NCAPH: variants seen among roughly 807,000 people sequenced by gnomAD.
The protein encoded by NCAPH is condensin complex subunit 2.
A neutral mutation model predicts 85.5 loss-of-function variants in NCAPH; 38 were observed. That is an observed-to-expected ratio of 0.44 (90% confidence interval 0.34 to 0.58). NCAPH has a LOEUF of 0.58. NCAPH is among the 20% of genes least tolerant of loss of function. The probability of loss-of-function intolerance (pLI) is 0.01; values close to 1 mark genes in which losing one functional copy is unlikely to be tolerated. For missense variants in NCAPH, 789 were observed against 916.6 expected (o/e 0.86, Z 1.80); for synonymous variants, 301 against 335.1 (o/e 0.90, Z 1.11).
chr2:96,354,640 C>T (rs1023107045), intron 9 of NCAPH, among the ~76,000 whole-genome samples: 3 of 152,086 alleles, frequency 2.0e-5, no homozygotes, highest in Non-Finnish European at 4.4e-5. Flanking sequence ...CAGTTCTTAA[C>T]AGATTTCCTG....
At chr2:96,353,472 CTG>C in intron 8 of NCAPH, 75 bp downstream of exon 8, 1 of 1,265,712 alleles carries the variant, frequency 7.9e-7, no homozygotes, top group South Asian at 1.2e-5. Context: ...GGAACCAAAA[CTG>C]TGGCATCATC....
At chr2:96,343,108 C>T (rs2064316637) in intron 4 of NCAPH, 58 bp from the exon 5 acceptor site, 1 of 1,595,274 alleles carries the variant, frequency 6.3e-7, no homozygotes, top group Non-Finnish European at 8.5e-7. Context: ...TGTGTTTTAC[C>T]TGTTCAGAAG....
At chr2:96,358,746 G>A (rs1220756079) in intron 9 of NCAPH, among the ~76,000 whole-genome samples, 1 of 152,170 alleles carries the variant, frequency 6.6e-6, no homozygotes, top group African/African-American at 2.4e-5. Flanking sequence ...GGGATTACAA[G>A]CGTGAGCCAC....
intron 17 of NCAPH, among the ~76,000 whole-genome samples, chr2:96,371,246 T>A (rs2064769068): frequency 6.6e-6 from 1 of 152,124 alleles, no homozygotes; most frequent in East Asian, 1.9e-4. Flanking sequence ...AAATAGGTGC[T>A]GGTGACTCTC....
In NCAPH at chr2:96,376,314, A is replaced by G. The variant is rs1444764940; in HGVS notation, c.*2963A>G. On this transcript the variant is annotated 3_prime_UTR_variant, in exon 18 of 18. Coordinates refer to ENST00000240423, the MANE Select transcript of NCAPH (RefSeq NM_015341.5). ...ATTTGCAAGAGAGGGGCAATTTGCA[A>G]TTTGCAAGAGAGGGCAATTTGCAAG... is the stretch of plus-strand genomic sequence containing the variant. Among the ~76,000 whole-genome samples, 1 of 152,106 alleles carries G rather than the reference A, an allele frequency of 6.6e-6. No homozygotes were observed. The highest frequency in any genetic ancestry group is 2.4e-5 in the African/African-American group (1 of 41,446).
In NCAPH at chr2:96,367,246, A is replaced by G; in HGVS notation, c.1882-11A>G. ...TCTGCTTAGTTTTACTTTGTCATAT[A>G]CCTATTTCAGGTAAATAAAATTGAA... On this transcript the variant is annotated splice_polypyrimidine_tract_variant and intron_variant, in intron 14 of 17. Coordinates refer to ENST00000240423, the MANE Select transcript of NCAPH (RefSeq NM_015341.5). The G allele has an allele frequency of 1.3e-6, 2 of 1,565,678 alleles. No homozygotes were observed. The highest frequency in any genetic ancestry group is 1.7e-4 in the Middle Eastern group (1 of 5,954).
At chr2:96,360,826 A>G (rs1216694572) in intron 12 of NCAPH, 116 bp downstream of exon 12, 8 of 1,329,594 alleles carry the variant, frequency 6.0e-6, no homozygotes, top group Middle Eastern at 1.9e-4. Context: ...TGTGTTAGCC[A>G]AAGCGTGTTG....
Position 96,342,779 on chromosome 2 carries a change from T to C in NCAPH, c.387T>C (p.Phe129=), listed in dbSNP as rs2064313137. The change falls in exon 4 of 18, where the codon TTT becomes TTC. Residue 129 remains phenylalanine (F), a synonymous_variant. Transcript: ENST00000240423. ...TENKITTKNA[F]GLHLIDFMSE... is the part of the protein sequence containing the mutation. ...AGAAAATCACTACCAAGAATGCTTT[T>C]GGTTTGCACTTGATTGATTTTATGT... 6.2e-7 allele frequency: 1 copy of C among 1,612,648 alleles called. No individual in the cohort carries two copies. Among genetic ancestry groups the C allele is most frequent in the African/African-American group, 1.3e-5 (1 of 74,910 alleles).
At chr2:96,351,436 A>G (rs1203508502) in intron 6 of NCAPH, among the ~76,000 whole-genome samples, 1 of 152,170 alleles carries the variant, frequency 6.6e-6, no homozygotes, top group Non-Finnish European at 1.5e-5. Flanking sequence ...TGGGAGGCCA[A>G]GGTGGGTGGA....
intron 6 of NCAPH, among the ~76,000 whole-genome samples, chr2:96,345,671 A>G (rs1212088746): frequency 6.6e-6 from 1 of 152,216 alleles, no homozygotes; most frequent in African/African-American, 2.4e-5. Context: ...GCTGAGAGGC[A>G]GTAGCTTAGT....
In NCAPH at chr2:96,360,645, C is replaced by T; in HGVS notation, c.1522C>T (p.Leu508Phe). 6.2e-7 allele frequency: 1 copy of T among 1,614,144 alleles called. No homozygotes were observed. The highest frequency in any genetic ancestry group is 8.5e-7 in the Non-Finnish European group (1 of 1,179,982). ...GAACCAGAATTGGAGAGCTACCACC[C>T]TTCCTACAGATTTCAACTACAATGT... ...LENQNWRATT[L>F]PTDFNYNVDT... The change falls in exon 12 of 18, where the codon CTT (leucine) becomes TTT (phenylalanine). Residue 508 changes from leucine (L) to phenylalanine (F), a missense_variant. By Grantham distance (22) the Leu-to-Phe change is conservative. Transcript: ENST00000240423.
At position 96,335,815 on chromosome 2, in the gene NCAPH, A is replaced by T; in HGVS notation, c.-15A>T. On this transcript the variant is annotated 5_prime_UTR_variant, in exon 1 of 18. Transcript: ENST00000240423. The stretch of plus-strand genomic sequence containing the variant: ...GCGCGCGATTTAAAACCAGCTCAGG[A>T]GACGCCAAGGAAAGATGGGACCTCC... 6.7e-7 allele frequency: 1 copy of T among 1,494,648 alleles called. No individual in the cohort carries two copies. The highest frequency in any genetic ancestry group is 8.9e-7 in the Non-Finnish European group (1 of 1,125,382). 92.6% of individuals were successfully genotyped at this position (1,494,648 alleles called of 1,614,324 possible).
At position 96,369,059 on chromosome 2, in the gene NCAPH, A is replaced by T; in HGVS notation, c.2086A>T (p.Arg696Trp). ...TAGCGGGCTCACGAAGGACCTGCAGAGGAGGTGCGGGCTGGCAGGCATGGG... is the reference window on the plus strand; with the variant it reads ...TAGCGGGCTCACGAAGGACCTGCAGTGGAGGTGCGGGCTGGCAGGCATGGG... ...MLSGLTKDLQRSLPPVMAQNL... is the reference protein window; with the variant it reads ...MLSGLTKDLQWSLPPVMAQNL... The change falls in exon 16 of 18, where the codon AGG (arginine) becomes TGG (tryptophan). Residue 696 changes from arginine to tryptophan, a missense_variant. Coordinates refer to ENST00000240423, the MANE Select transcript of NCAPH (RefSeq NM_015341.5). 6.4e-7 allele frequency: 1 copy of T among 1,554,568 alleles called. No individual in the cohort carries two copies.
intron 17 of NCAPH, 106 bp downstream of exon 17, chr2:96,369,606 TACAGTG>T: frequency 8.4e-7 from 1 of 1,183,514 alleles, no homozygotes; most frequent in Non-Finnish European, 1.2e-6. Context: ...ATTTCTTAAA[TACAGTG>T]ACTTATGTAG....
chr2:96,336,676 A>T (rs1357912604), intron 1 of NCAPH, among the ~76,000 whole-genome samples: 1 of 152,202 alleles, frequency 6.6e-6, no homozygotes, highest in African/African-American at 2.4e-5. Flanking sequence ...ATCTATAATC[A>T]CTTAGGTGAG....
At chr2:96,354,017 C>T (rs764160236) in intron 8 of NCAPH, among the ~76,000 whole-genome samples, 166 bp from the exon 9 acceptor site, 15 of 152,122 alleles carry the variant, frequency 9.9e-5, no homozygotes, top group African/African-American at 1.7e-4. Context: ...ACTGTACTAT[C>T]GTGAGAGTCT....
Position 96,362,857 on chromosome 2 carries a change from T to TA in NCAPH, c.1588-1614dup, listed in dbSNP as rs368280545. On this transcript the variant is annotated intron_variant, in intron 12 of 17. Coordinates refer to ENST00000240423, the MANE Select transcript of NCAPH (RefSeq NM_015341.5). ...GATGCTGTGAACATTGTTGAAATGA[T>TA]AAAAAAAAAAGATTTAGAATGTTAC... Among the ~76,000 whole-genome samples, 492 of 148,998 alleles carry TA rather than the reference T, an allele frequency of 3.3e-3. 2 individuals are homozygous for TA. Among genetic ancestry groups the TA allele is most frequent in the African/African-American group, 9.2e-3 (375 of 40,678 alleles).
At chr2:96,339,983 C>T (rs914713693) in intron 1 of NCAPH, among the ~76,000 whole-genome samples, 11 of 152,178 alleles carry the variant, frequency 7.2e-5, no homozygotes, top group East Asian at 3.9e-4. Flanking sequence ...AGTGTAGTGG[C>T]GCCATCTCGG....
chr2:96,338,093 A>C (rs1475063145), intron 1 of NCAPH, among the ~76,000 whole-genome samples: 1 of 151,692 alleles, frequency 6.6e-6, no homozygotes, highest in Admixed American at 6.6e-5. Context: ...CACCTTGCTA[A>C]TTTTTGTATT....
Sources: gnomAD v4.1 joint callset for allele counts (sites outside exome capture counted in the v4.1 genomes callset) on GRCh38, gnomAD v4.1.1 for gene constraint, MANE v1.5 for transcripts, NCBI Gene and HGNC (gene_info 2026-07-23, HGNC 2026-07-21) for gene names.